The following RBFOX1 variants were observed in gnomAD, a reference collection of about 807,000 sequenced individuals.
RBFOX1 encodes the protein RNA binding fox-1 homolog 1, also known as RNA binding protein fox-1 homolog 1.
RBFOX1 carries 8 observed loss-of-function variants against 57.7 expected under a neutral mutation model. The ratio of observed to expected loss-of-function variants is 0.14; its 90% CI spans 0.08 to 0.25. The LOEUF (loss-of-function observed/expected upper bound fraction) is 0.25, where lower values mean the gene tolerates loss of function less well. Ranked by LOEUF, RBFOX1 falls within the 10% of genes least tolerant of loss-of-function variation. The pLI is 1.00. For synonymous variants in RBFOX1, 326 were observed against 222.4 expected (o/e 1.47, Z -4.15); for missense variants, 611 against 548.5 (o/e 1.11, Z -1.14).
Position 6,834,503 on chromosome 16 carries a change from GATGA to G in RBFOX1, c.-16+179876_-16+179879del, listed in dbSNP as rs34043490. Among the ~76,000 whole-genome samples, 527 of 150,476 alleles carry G rather than the reference GATGA, an allele frequency of 3.5e-3. 2 individuals carry two copies. Among genetic ancestry groups the G allele is most frequent in the African/African-American group, 0.011 (446 of 40,836 alleles). On this transcript the variant is annotated intron_variant, in intron 3 of 15. Coordinates refer to ENST00000550418, the MANE Select transcript of RBFOX1 (RefSeq NM_018723.4). The stretch of plus-strand genomic sequence containing the variant: ...AGAAAGTACTCAGTAACTGTTTATT[GATGA>G]ATGAATGAATGAATGAATGAATCAG...
At chr16:5,977,362 C>G (rs116956182) in intron 4 of RBFOX1, among the ~76,000 whole-genome samples, 7 of 152,120 alleles carry the variant, frequency 4.6e-5, no homozygotes, top group African/African-American at 1.2e-4. Context: ...CTCCAGAGAC[C>G]GCTCCCTGCC....
At chr16:5,459,192 G>A (rs1219913657) in intron 1 of RBFOX1, among the ~76,000 whole-genome samples, 3 of 152,208 alleles carry the variant, frequency 2.0e-5, no homozygotes, top group Non-Finnish European at 4.4e-5. Flanking sequence ...ATCTCCACAT[G>A]TGGACATGCA....
intron 1 of RBFOX1, among the ~76,000 whole-genome samples, chr16:6,134,562 C>T (rs1341113490): frequency 1.3e-5 from 2 of 152,096 alleles, no homozygotes; most frequent in Admixed American, 1.3e-4. Flanking sequence ...AAAGACATGA[C>T]ATTAGTTCTG....
At chr16:7,232,671 G>A (rs559146960) in intron 4 of RBFOX1, among the ~76,000 whole-genome samples, 1 of 151,982 alleles carries the variant, frequency 6.6e-6, no homozygotes, top group African/African-American at 2.4e-5. Context: ...GAGAAACCCT[G>A]TCTCTACTAA....
At chr16:5,781,430 A>G (rs2054320893) in intron 3 of RBFOX1, among the ~76,000 whole-genome samples, 1 of 152,232 alleles carries the variant, frequency 6.6e-6, no homozygotes, top group African/African-American at 2.4e-5. Flanking sequence ...GTAAGTAACT[A>G]TGCCAATAAA....
At chr16:6,898,171 C>T (rs2067437563) in intron 3 of RBFOX1, among the ~76,000 whole-genome samples, 1 of 152,138 alleles carries the variant, frequency 6.6e-6, no homozygotes, top group African/African-American at 2.4e-5. Flanking sequence ...AGGTCGTAGC[C>T]AACGGCATTA....
chr16:5,699,436 T>A (rs2050957685), intron 3 of RBFOX1, among the ~76,000 whole-genome samples: 1 of 151,730 alleles, frequency 6.6e-6, no homozygotes, highest in Non-Finnish European at 1.5e-5. Context: ...TGTTCTACAC[T>A]GGTTTGGAGA....
At chr16:6,331,277 C>G (rs1185124673) in intron 2 of RBFOX1, among the ~76,000 whole-genome samples, 2 of 152,106 alleles carry the variant, frequency 1.3e-5, no homozygotes, top group Non-Finnish European at 2.9e-5. Flanking sequence ...GAAATCCTAT[C>G]TCTAATAAAA....
At chr16:6,868,236 C>G (rs1462235350) in intron 3 of RBFOX1, among the ~76,000 whole-genome samples, 1 of 151,998 alleles carries the variant, frequency 6.6e-6, no homozygotes. Context: ...AACAGAAATA[C>G]TTCGTGGTCT....
intron 1 of RBFOX1, among the ~76,000 whole-genome samples, chr16:6,043,930 A>G (rs777503432): frequency 3.3e-5 from 5 of 151,984 alleles, no homozygotes; most frequent in Admixed American, 3.3e-4. Context: ...GGGACCCTCT[A>G]ACTTTTCCTT....
intron 1 of RBFOX1, among the ~76,000 whole-genome samples, chr16:5,440,558 AT>A (rs1278747033): frequency 6.6e-6 from 1 of 152,122 alleles, no homozygotes; most frequent in Non-Finnish European, 1.5e-5. Flanking sequence ...CTGAGGCCAG[AT>A]TGGAACTCTC....
intron 3 of RBFOX1, among the ~76,000 whole-genome samples, chr16:6,985,612 G>C (rs1395439312): frequency 2.0e-5 from 3 of 152,168 alleles, no homozygotes; most frequent in Non-Finnish European, 4.4e-5. Flanking sequence ...TGGATCATTT[G>C]AGGTCAGGAG....
chr16:7,102,881 T>G (rs1400291922), intron 4 of RBFOX1, among the ~76,000 whole-genome samples: 1 of 152,066 alleles, frequency 6.6e-6, no homozygotes, highest in African/African-American at 2.4e-5. Context: ...CGCATGCACT[T>G]CAATTGAGTG....
chr16:6,488,836 C>G (rs951327885), intron 2 of RBFOX1, among the ~76,000 whole-genome samples: 2 of 152,094 alleles, frequency 1.3e-5, no homozygotes, highest in Admixed American at 6.5e-5. Flanking sequence ...TGGCCCCAAA[C>G]CAACAGTGCC....
In RBFOX1 at chr16:6,808,205, T is replaced by C. The variant is rs1249786676; in HGVS notation, c.-16+153555T>C. On this transcript the variant is annotated intron_variant, in intron 3 of 15. Coordinates refer to ENST00000550418, the MANE Select transcript of RBFOX1 (RefSeq NM_018723.4). ...ATATATATATATATATATATAGTTC[T>C]ATTGAAGTATGCACTAGCTTCCAGC... is the stretch of plus-strand genomic sequence containing the variant. 2.6e-4 allele frequency among the ~76,000 whole-genome samples: 39 copies of C among 151,012 alleles called. No homozygotes were observed. The Admixed American group carries it at 2.6e-3, about 10-fold the overall frequency.
intron 1 of RBFOX1, among the ~76,000 whole-genome samples, chr16:6,205,803 C>CT (rs2097251438): frequency 7.8e-6 from 1 of 127,684 alleles, no homozygotes; most frequent in Non-Finnish European, 1.6e-5. Flanking sequence ...TAAGAGAAGA[C>CT]TTTAAGTACA....
At chr16:5,336,937 G>A (rs974450516) in intron 1 of RBFOX1, among the ~76,000 whole-genome samples, 1 of 152,172 alleles carries the variant, frequency 6.6e-6, no homozygotes, top group African/African-American at 2.4e-5. Context: ...TCTCCTCCTG[G>A]CTGCATCTGA....
intron 3 of RBFOX1, among the ~76,000 whole-genome samples, chr16:5,835,266 A>T (rs574084615): frequency 7.6e-4 from 116 of 152,296 alleles, no homozygotes; most frequent in East Asian, 1.4e-3. Context: ...CTGGGCAGGC[A>T]CTACAGGCAG....
At chr16:5,972,588 C>T (rs145510127) in intron 4 of RBFOX1, among the ~76,000 whole-genome samples, 47 of 152,268 alleles carry the variant, frequency 3.1e-4, no homozygotes, top group African/African-American at 9.4e-4. Context: ...GGATGAGATG[C>T]GGCACCTGGA....
Sources: allele counts gnomAD v4.1 joint callset (sites outside exome capture counted in the v4.1 genomes callset), GRCh38; gene constraint gnomAD v4.1.1; transcripts MANE v1.5; gene names NCBI Gene and HGNC (gene_info 2026-07-23, HGNC 2026-07-21).